WWOX: variants seen among roughly 807,000 people sequenced by gnomAD.
The protein encoded by WWOX is WW domain-containing oxidoreductase.
A neutral mutation model predicts 46.2 loss-of-function variants in WWOX; 69 were observed. The observed-to-expected ratio is 1.49, with a 90% CI of 1.23 to 1.82. The LOEUF is 1.82. Ranked by LOEUF, WWOX falls within the 40% of genes most tolerant of loss-of-function variation. WWOX has a pLI of 0.00. For synonymous variants in WWOX, 359 were observed against 202.6 expected (o/e 1.77, Z -6.56); for missense variants, 919 against 542.6 (o/e 1.69, Z -6.89).
intron 8 of WWOX, chr16:78,895,999 G>C (rs2044692847): frequency 6.6e-6 from 1 of 152,046 alleles, no homozygotes; most frequent in Admixed American, 6.6e-5. Context: ...TCTTTTTTGA[G>C]AAATGAACAG....
chr16:79,140,200 A>G (rs1377105079), intron 8 of WWOX, among the ~76,000 whole-genome samples: 1 of 152,212 alleles, frequency 6.6e-6, no homozygotes, highest in African/African-American at 2.4e-5. Context: ...TTACGTTAAC[A>G]TTCTAACTCG....
chr16:78,821,477 A>C (rs1025189661), intron 8 of WWOX, among the ~76,000 whole-genome samples: 1 of 152,132 alleles, frequency 6.6e-6, no homozygotes, highest in Admixed American at 6.5e-5. Flanking sequence ...AAATATTGTG[A>C]TCCTGGCCTT....
intron 8 of WWOX, among the ~76,000 whole-genome samples, chr16:78,774,179 G>C (rs1035714956): frequency 6.6e-6 from 1 of 152,164 alleles, no homozygotes; most frequent in African/African-American, 2.4e-5. Context: ...AAGGCAGGCA[G>C]ATCATGAGGT....
chr16:78,209,370 C>G (rs535469095), intron 5 of WWOX, among the ~76,000 whole-genome samples: 107 of 152,308 alleles, frequency 7.0e-4, no homozygotes, highest in African/African-American at 2.5e-3. Flanking sequence ...CCTTCTTCAT[C>G]TAGCTCAAGC....
intron 8 of WWOX, among the ~76,000 whole-genome samples, chr16:78,456,738 T>G (rs771669078): frequency 6.6e-6 from 1 of 152,236 alleles, no homozygotes; most frequent in East Asian, 1.9e-4. Context: ...TATCCACATG[T>G]CTCAGTTTCA....
intron 8 of WWOX, among the ~76,000 whole-genome samples, chr16:78,882,283 A>G (rs1156955024): frequency 6.6e-6 from 1 of 152,216 alleles, no homozygotes; most frequent in Non-Finnish European, 1.5e-5. Flanking sequence ...GGGAGCCAGG[A>G]CAGTATTTGT....
At chr16:79,190,843 C>A (rs1451195725) in intron 8 of WWOX, among the ~76,000 whole-genome samples, 1 of 152,196 alleles carries the variant, frequency 6.6e-6, no homozygotes, top group African/African-American at 2.4e-5. Flanking sequence ...CCTGCAAAGT[C>A]TAAAATATTT....
chr16:78,540,805 G>T (rs1490593929), intron 8 of WWOX, among the ~76,000 whole-genome samples: 4 of 152,080 alleles, frequency 2.6e-5, no homozygotes, highest in African/African-American at 9.7e-5. Context: ...TCCCACCTCA[G>T]CCTGAGTAGA....
chr16:78,646,881 T>C (rs2046857149), intron 8 of WWOX, among the ~76,000 whole-genome samples: 1 of 152,260 alleles, frequency 6.6e-6, no homozygotes, highest in African/African-American at 2.4e-5. Flanking sequence ...TTAGGCTGTG[T>C]TGGCTGTGAG....
At chr16:78,611,379 G>A (rs879888406) in intron 8 of WWOX, among the ~76,000 whole-genome samples, 2 of 152,210 alleles carry the variant, frequency 1.3e-5, no homozygotes, top group Non-Finnish European at 2.9e-5. Context: ...TGGGGGCCAA[G>A]GAGATTACTT....
intron 8 of WWOX, among the ~76,000 whole-genome samples, chr16:79,168,021 G>A (rs181360102): frequency 6.6e-6 from 1 of 152,138 alleles, no homozygotes; most frequent in African/African-American, 2.4e-5. Context: ...TTAGCATGCT[G>A]TTTCCAAGGC....
At chr16:78,389,685 G>C (rs973936852) in intron 6 of WWOX, among the ~76,000 whole-genome samples, 5 of 152,004 alleles carry the variant, frequency 3.3e-5, no homozygotes, top group Non-Finnish European at 5.9e-5. Context: ...GTGGGTAGAG[G>C]GGCCGATTTA....
At chr16:78,157,262 T>A (rs1311288487) in intron 4 of WWOX, among the ~76,000 whole-genome samples, 1 of 152,192 alleles carries the variant, frequency 6.6e-6, no homozygotes, top group Non-Finnish European at 1.5e-5. Context: ...TGTTGGCATC[T>A]CATTAGCCTG....
At chr16:78,666,251 T>G (rs1003729008) in intron 8 of WWOX, among the ~76,000 whole-genome samples, 4 of 152,092 alleles carry the variant, frequency 2.6e-5, no homozygotes, top group African/African-American at 9.7e-5. Flanking sequence ...ATCCTGCCAC[T>G]GCACTCTAGC....
At chr16:78,825,226 G>C (rs775120060) in intron 8 of WWOX, 1 of 218,408 alleles carries the variant, frequency 4.6e-6, no homozygotes, top group African/African-American at 2.3e-5. Flanking sequence ...ACTTGCTCTA[G>C]TGAGATCTAA....
intron 8 of WWOX, among the ~76,000 whole-genome samples, chr16:79,041,415 G>A (rs1018200215): frequency 2.0e-5 from 3 of 152,122 alleles, no homozygotes; most frequent in South Asian, 2.1e-4. Context: ...GCCCCTTGCG[G>A]TTCCTTGCCG....
At chr16:78,323,627 CTGTGGACTTTACTTTTCACGCA>C (rs2080540437) in intron 5 of WWOX, among the ~76,000 whole-genome samples, 2 of 152,142 alleles carry the variant, frequency 1.3e-5, no homozygotes, top group South Asian at 4.1e-4. Flanking sequence ...GGTTGTGAGG[CTGTGGACTTTACTTTTCACGCA>C]TGGCATTGAA....
intron 8 of WWOX, among the ~76,000 whole-genome samples, chr16:78,863,655 G>C (rs1297460893): frequency 6.6e-6 from 1 of 152,130 alleles, no homozygotes; most frequent in Non-Finnish European, 1.5e-5. Flanking sequence ...AGTGTTTCTG[G>C]AGCCCAGCAT....
At chr16:78,672,020 T>A (rs989611011) in intron 8 of WWOX, among the ~76,000 whole-genome samples, 1 of 152,160 alleles carries the variant, frequency 6.6e-6, no homozygotes, top group African/African-American at 2.4e-5. Flanking sequence ...TGCTTTTGGG[T>A]AGTTAAGAGT....
Sources: gnomAD v4.1 joint callset for allele counts (sites outside exome capture counted in the v4.1 genomes callset) on GRCh38, gnomAD v4.1.1 for gene constraint, MANE v1.5 for transcripts, NCBI Gene and HGNC (gene_info 2026-07-23, HGNC 2026-07-21) for gene names.